PIK3CB: variants seen among roughly 807,000 people sequenced by gnomAD.
The protein encoded by PIK3CB is phosphatidylinositol 4,5-bisphosphate 3-kinase catalytic subunit beta isoform.
Under a neutral mutation model 136.8 loss-of-function variants are expected in PIK3CB, and 39 were observed. The observed-to-expected ratio is 0.29, with a 90% CI of 0.22 to 0.37. The LOEUF (loss-of-function observed/expected upper bound fraction) is 0.37, where lower values mean the gene tolerates loss of function less well. Among genes scored for constraint, PIK3CB ranks in the 10% least tolerant of loss-of-function variants. The probability of loss-of-function intolerance (pLI) is 1.00; values close to 1 mark genes in which losing one functional copy is unlikely to be tolerated. For synonymous variants in PIK3CB, 428 were observed against 436.6 expected (o/e 0.98, Z 0.25); for missense variants, 868 against 1,275.4 (o/e 0.68, Z 4.87).
At chr3:138,662,610 C>T (rs2043320512) in intron 21 of PIK3CB, among the ~76,000 whole-genome samples, 1 of 149,696 alleles carries the variant, frequency 6.7e-6, no homozygotes. Context: ...GATTTATAGT[C>T]CTTTGGGTAT....
At chr3:138,658,238 C>G (rs892982367) in intron 21 of PIK3CB, among the ~76,000 whole-genome samples, 2 of 152,064 alleles carry the variant, frequency 1.3e-5, no homozygotes, top group Non-Finnish European at 2.9e-5. Flanking sequence ...CACTTGAAAC[C>G]AGGAGTTCAA....
chr3:138,705,147 T>C (rs1189656517), intron 11 of PIK3CB, among the ~76,000 whole-genome samples: 2 of 55,278 alleles, frequency 3.6e-5, no homozygotes, highest in South Asian at 7.1e-4. Flanking sequence ...TCCAAGAGAT[T>C]AGAAAGGCAA....
intron 1 of PIK3CB, among the ~76,000 whole-genome samples, chr3:138,826,921 T>A (rs992650937): frequency 6.6e-6 from 1 of 151,882 alleles, no homozygotes; most frequent in Admixed American, 6.6e-5. Context: ...AATACAAAAT[T>A]AGCTGGGCGT....
At chr3:138,785,720 G>A (rs2045974953) in intron 2 of PIK3CB, among the ~76,000 whole-genome samples, 1 of 151,364 alleles carries the variant, frequency 6.6e-6, no homozygotes, top group Admixed American at 6.6e-5. Context: ...GAAAACCAGA[G>A]ACCCTTGTTC....
chr3:138,667,624 C>T (rs2043442342), intron 19 of PIK3CB, among the ~76,000 whole-genome samples: 2 of 151,092 alleles, frequency 1.3e-5, no homozygotes, highest in Admixed American at 1.3e-4. Context: ...TGCAGTGGCG[C>T]AATCTCGGCT....
chr3:138,680,812 C>T (rs888429173), intron 19 of PIK3CB, among the ~76,000 whole-genome samples: 11 of 151,976 alleles, frequency 7.2e-5, no homozygotes, highest in Middle Eastern at 3.4e-3. Context: ...CTCAGCCTCC[C>T]GAGTAGCTGG....
At chr3:138,811,862 G>A (rs997275396) in intron 1 of PIK3CB, among the ~76,000 whole-genome samples, 1 of 152,070 alleles carries the variant, frequency 6.6e-6, no homozygotes, top group African/African-American at 2.4e-5. Flanking sequence ...ACCAAGGCAG[G>A]AAGATCACTG....
intron 11 of PIK3CB, among the ~76,000 whole-genome samples, chr3:138,704,994 C>T (rs1334676272): frequency 6.7e-6 from 1 of 149,802 alleles, no homozygotes; most frequent in Non-Finnish European, 1.5e-5. Flanking sequence ...TCTATGTTGC[C>T]CAAGCTCGCC....
In PIK3CB at chr3:138,652,748, T is replaced by C. The variant is rs2043141362; in HGVS notation, c.*2641A>G. 4.5e-6 allele frequency: 1 copy of C among 220,532 alleles called. No homozygotes were observed. The highest frequency in any genetic ancestry group is 6.8e-5 in the East Asian group (1 of 14,798). The allele number at this position is 220,532 out of a possible 1,614,324, so 13.7% of individuals were successfully genotyped here. The stretch of plus-strand genomic sequence containing the variant: ...AGATCTTAAAATAACTAAAAGAGTA[T>C]AACTGGATTGTTTCTAATACAAAGG... On this transcript the variant is annotated 3_prime_UTR_variant, in exon 24 of 24. Transcript: ENST00000674063.
intron 19 of PIK3CB, among the ~76,000 whole-genome samples, chr3:138,681,534 T>C (rs545780187): frequency 1.9e-4 from 29 of 152,160 alleles, no homozygotes; most frequent in Non-Finnish European, 3.8e-4. Flanking sequence ...TCTACCCCTA[T>C]TGATGGTGGC....
intron 15 of PIK3CB, 56 bp from the exon 16 acceptor site, chr3:138,689,030 G>A (rs770609180): frequency 1.0e-5 from 10 of 992,360 alleles, no homozygotes; most frequent in Non-Finnish European, 1.4e-5. Flanking sequence ...TCAGATCACC[G>A]AATAAATACT....
At chr3:138,828,351 A>G (rs1933879651) in intron 1 of PIK3CB, among the ~76,000 whole-genome samples, 1 of 151,322 alleles carries the variant, frequency 6.6e-6, no homozygotes, top group Admixed American at 6.6e-5. Context: ...ACGCCCGGCT[A>G]ATTTTTTGTA....
chr3:138,681,858 GAAC>G, intron 19 of PIK3CB, 106 bp downstream of exon 19: 2 of 635,690 alleles, frequency 3.1e-6, no homozygotes, highest in Non-Finnish European at 5.4e-6. Flanking sequence ...ATATTATTAT[GAAC>G]AACAACTAAA....
chr3:138,758,336 A>G (rs1164514199), intron 3 of PIK3CB, among the ~76,000 whole-genome samples: 1 of 152,264 alleles, frequency 6.6e-6, no homozygotes, highest in Non-Finnish European at 1.5e-5. Context: ...ATGGTTGCAC[A>G]GCACTGTGAA....
At chr3:138,773,282 T>C (rs558449088) in intron 2 of PIK3CB, among the ~76,000 whole-genome samples, 1 of 151,968 alleles carries the variant, frequency 6.6e-6, no homozygotes, top group Admixed American at 6.5e-5. Context: ...GCCCACCTAC[T>C]TGGGAGGCTG....
chr3:138,655,363 A>C lies in PIK3CB; in HGVS notation c.*26T>G. 1 of 1,610,276 alleles carries C rather than the reference A, an allele frequency of 6.2e-7. No homozygotes were observed. The highest frequency in any genetic ancestry group is 8.5e-7 in the Non-Finnish European group (1 of 1,177,814). Reference sequence around the variant, plus strand: ...AAATGAAAATGAAATGAAACCAACAAATACATTAGGAGCGAAGGCTGATCG... The same window carrying C: ...AAATGAAAATGAAATGAAACCAACACATACATTAGGAGCGAAGGCTGATCG... On this transcript the variant is annotated 3_prime_UTR_variant, in exon 24 of 24. Coordinates refer to ENST00000674063, the MANE Select transcript of PIK3CB (RefSeq NM_006219.3).
intron 13 of PIK3CB, among the ~76,000 whole-genome samples, chr3:138,698,561 G>A (rs932082822): frequency 6.6e-6 from 1 of 152,186 alleles, no homozygotes; most frequent in Non-Finnish European, 1.5e-5. Flanking sequence ...TTCTAGAACA[G>A]TCATTGCAAA....
intron 8 of PIK3CB, among the ~76,000 whole-genome samples, chr3:138,727,774 T>G (rs1303803201): frequency 1.3e-5 from 2 of 152,216 alleles, no homozygotes; most frequent in South Asian, 2.1e-4. Flanking sequence ...AGACAAAAAT[T>G]ACCAAAATTG....
chr3:138,657,599 C>A, intron 22 of PIK3CB, 91 bp downstream of exon 22: 3 of 1,142,246 alleles, frequency 2.6e-6, no homozygotes, highest in Non-Finnish European at 3.8e-6. Flanking sequence ...TCTCCCAGAT[C>A]CAAATATATC....
Sources: gnomAD v4.1 joint callset for allele counts (sites outside exome capture counted in the v4.1 genomes callset) on GRCh38, gnomAD v4.1.1 for gene constraint, MANE v1.5 for transcripts, NCBI Gene and HGNC (gene_info 2026-07-23, HGNC 2026-07-21) for gene names.